Variants in ZFHX3 observed in about 807,000 individuals in gnomAD.
ZFHX3 encodes zinc finger homeobox 3.
Under a neutral mutation model 279.1 loss-of-function variants are expected in ZFHX3, and 42 were observed. The observed-to-expected ratio is 0.15, with a 90% CI of 0.12 to 0.19. The LOEUF is 0.19. Among genes scored for constraint, ZFHX3 ranks in the 10% least tolerant of loss-of-function variants. The pLI, the probability that ZFHX3 is intolerant of heterozygous loss-of-function variation, is 1.00. For missense variants in ZFHX3, 4,981 were observed against 4,754.0 expected, an observed-to-expected ratio of 1.05 and a Z score of -1.40; for synonymous variants, 2,293 against 1,957.8, an observed-to-expected ratio of 1.17 and a Z score of -4.52.
intron 4 of ZFHX3, among the ~76,000 whole-genome samples, chr16:72,849,277 G>C (rs752184731): frequency 2.0e-5 from 3 of 152,160 alleles, no homozygotes; most frequent in Middle Eastern, 3.2e-3. Flanking sequence ...GCGTGGGAAA[G>C]CTCTGCAGCC....
chr16:72,889,011 G>A (rs550125826), intron 4 of ZFHX3, among the ~76,000 whole-genome samples: 54 of 152,002 alleles, frequency 3.6e-4, no homozygotes, highest in Middle Eastern at 3.4e-3. Flanking sequence ...TAGAAAAGAG[G>A]AGGTGATTCT....
chr16:73,653,264 T>C (rs1218357268), intron 2 of ZFHX3, among the ~76,000 whole-genome samples: 1 of 152,218 alleles, frequency 6.6e-6, no homozygotes, highest in Non-Finnish European at 1.5e-5. Flanking sequence ...TGGAACATTA[T>C]ACTCAGCAAC....
chr16:73,659,064 A>C (rs2052752313), intron 2 of ZFHX3, among the ~76,000 whole-genome samples: 2 of 152,310 alleles, frequency 1.3e-5, no homozygotes, highest in East Asian at 3.9e-4. Context: ...AAAAAAGGAA[A>C]AACAATAGAA....
At chr16:73,038,229 C>T (rs1252745781) in intron 1 of ZFHX3, among the ~76,000 whole-genome samples, 1 of 151,756 alleles carries the variant, frequency 6.6e-6, no homozygotes, top group African/African-American at 2.4e-5. Flanking sequence ...GACTCCCCCA[C>T]CCCCCCAACT....
At chr16:73,452,142 T>C (rs992056658) in intron 3 of ZFHX3, among the ~76,000 whole-genome samples, 2 of 152,222 alleles carry the variant, frequency 1.3e-5, no homozygotes, top group Non-Finnish European at 2.9e-5. Flanking sequence ...AATTTTCTGC[T>C]ACAATAATTC....
chr16:73,590,129 G>A (rs559182093), intron 2 of ZFHX3, among the ~76,000 whole-genome samples: 6 of 152,256 alleles, frequency 3.9e-5, no homozygotes, highest in South Asian at 2.1e-4. Flanking sequence ...ACCAGCAGAC[G>A]TAGAGGTGAC....
rs142822153 is a variant in ZFHX3 at position 73,534,066 on chromosome 16, T to C, written c.-1546-77808A>G. Among the ~76,000 whole-genome samples the C allele has an allele frequency of 3.9e-3, 597 of 152,228 alleles. 5 individuals are homozygous for C. The highest frequency in any genetic ancestry group is 0.014 in the African/African-American group (565 of 41,542). ...CTGCTCAAGGTCGTCAGATGGCTCC[T>C]CCTTTCATTCAAGGTAAAAGCCCAT... On this transcript the variant is annotated intron_variant, in intron 2 of 17. Transcript: ENST00000641206.
intron 1 of ZFHX3, among the ~76,000 whole-genome samples, chr16:73,810,783 C>G (rs1210233810): frequency 6.6e-6 from 1 of 152,106 alleles, no homozygotes; most frequent in Non-Finnish European, 1.5e-5. Flanking sequence ...GCTGTATGGT[C>G]TTGAGTACAT....
intron 4 of ZFHX3, among the ~76,000 whole-genome samples, chr16:73,269,108 T>A (rs1048617235): frequency 6.6e-6 from 1 of 152,236 alleles, no homozygotes; most frequent in East Asian, 1.9e-4. Flanking sequence ...ATATACCTTC[T>A]GTCCTAATTT....
chr16:73,692,230 C>G (rs536234779), intron 1 of ZFHX3, among the ~76,000 whole-genome samples: 2 of 152,170 alleles, frequency 1.3e-5, no homozygotes, highest in South Asian at 4.2e-4. Context: ...AATGATAGTG[C>G]GTAGGAGGGC....
chr16:73,784,128 AG>A (rs1377480195), intron 1 of ZFHX3, among the ~76,000 whole-genome samples: 286 of 151,712 alleles, frequency 1.9e-3, no homozygotes, highest in Non-Finnish European at 3.0e-3. Flanking sequence ...GGCAAAAAAA[AG>A]AAAAAAAAAG....
chr16:73,345,288 C>T (rs2016102708), intron 3 of ZFHX3, among the ~76,000 whole-genome samples: 2 of 152,062 alleles, frequency 1.3e-5, no homozygotes, highest in Admixed American at 6.6e-5. Context: ...AGGTTTGTTA[C>T]ATAGGTAAAC....
intron 8 of ZFHX3, among the ~76,000 whole-genome samples, chr16:73,084,763 G>A (rs541700961): frequency 1.6e-4 from 24 of 151,954 alleles, no homozygotes; most frequent in South Asian, 1.3e-3. Flanking sequence ...CTCGTGATCC[G>A]CCCACCTCAG....
rs199584204 is a variant in ZFHX3, at chr16:73,120,332, CAT to C, written c.-897+10634_-897+10635del. Among the ~76,000 whole-genome samples the C allele has an allele frequency of 7.9e-3, 1,202 of 152,140 alleles. 19 individuals are homozygous for C. Among genetic ancestry groups the C allele is most frequent in the African/African-American group, 0.028 (1,145 of 41,514 alleles). ...CTGGAGTGCACATAAGTGGTGCAAT[CAT>C]AGCTCATTGCAGCCTCAAACTCCGA... is the stretch of plus-strand genomic sequence containing the variant. On this transcript the variant is annotated intron_variant, in intron 7 of 17. Coordinates refer to the ZFHX3 transcript ENST00000641206.
chr16:72,876,701 A>G (rs1042815889), intron 4 of ZFHX3, among the ~76,000 whole-genome samples: 1 of 152,238 alleles, frequency 6.6e-6, no homozygotes, highest in Non-Finnish European at 1.5e-5. Context: ...AATCTGGAAG[A>G]AAACAAATGT....
chr16:73,169,321 CA>C (rs1335547629), intron 5 of ZFHX3, among the ~76,000 whole-genome samples: 1 of 152,102 alleles, frequency 6.6e-6, no homozygotes, highest in African/African-American at 2.4e-5. Context: ...CAGAGCTAAC[CA>C]ACAATCTAGA....
intron 2 of ZFHX3, among the ~76,000 whole-genome samples, chr16:73,459,304 C>G (rs528872639): frequency 2.0e-5 from 3 of 151,982 alleles, no homozygotes; most frequent in African/African-American, 7.3e-5. Flanking sequence ...TTTCATACTG[C>G]GATAAAGAAC....
At chr16:72,961,420 A>T (rs1427682409) in intron 1 of ZFHX3, among the ~76,000 whole-genome samples, 1 of 152,164 alleles carries the variant, frequency 6.6e-6, no homozygotes, top group Non-Finnish European at 1.5e-5. Context: ...AGGGGCGATC[A>T]TTCCGTCTGG....
chr16:73,751,951 G>A (rs967052865), intron 1 of ZFHX3, among the ~76,000 whole-genome samples: 29 of 152,146 alleles, frequency 1.9e-4, no homozygotes, highest in Non-Finnish European at 3.8e-4. Flanking sequence ...AGGTCAATCG[G>A]GTTATTCTCT....
Sources: allele counts gnomAD v4.1 joint callset (sites outside exome capture counted in the v4.1 genomes callset), GRCh38; gene constraint gnomAD v4.1.1; transcripts MANE v1.5; gene names NCBI Gene and HGNC (gene_info 2026-07-23, HGNC 2026-07-21).